Variants in OTUD7A observed in about 807,000 individuals in gnomAD.
The protein encoded by OTUD7A is OTU deubiquitinase 7A.
In OTUD7A, 12 loss-of-function variants were observed where a neutral mutation model predicts 65.7. The ratio of observed to expected loss-of-function variants is 0.18; its 90% CI spans 0.12 to 0.30. OTUD7A has a LOEUF of 0.30. OTUD7A is among the 10% of genes least tolerant of loss of function. The pLI, the probability that OTUD7A is intolerant of heterozygous loss-of-function variation, is 1.00. For synonymous variants in OTUD7A, 641 were observed against 586.3 expected (o/e 1.09, Z -1.35); for missense variants, 1,148 against 1,304.8 (o/e 0.88, Z 1.85).
intron 1 of OTUD7A, among the ~76,000 whole-genome samples, chr15:31,709,721 TG>T (rs1380678187): frequency 6.6e-6 from 1 of 151,672 alleles, no homozygotes; most frequent in African/African-American, 2.4e-5. Flanking sequence ...CTGTGTGTGG[TG>T]GTTCTATATG....
intron 3 of OTUD7A, among the ~76,000 whole-genome samples, chr15:31,644,749 G>A (rs1891613769): frequency 1.3e-5 from 2 of 152,166 alleles, no homozygotes; most frequent in Non-Finnish European, 2.9e-5. Context: ...AAAGTGTTGG[G>A]ATTACAGGTA....
At chr15:31,586,173 T>C (rs932402248) in intron 3 of OTUD7A, among the ~76,000 whole-genome samples, 9 of 152,186 alleles carry the variant, frequency 5.9e-5, no homozygotes, top group African/African-American at 2.2e-4. Flanking sequence ...CAGGATAGAA[T>C]GACCAAAGAA....
At chr15:31,735,412 C>A (rs558572260) in intron 1 of OTUD7A, among the ~76,000 whole-genome samples, 141 of 152,068 alleles carry the variant, frequency 9.3e-4, no homozygotes, top group African/African-American at 3.2e-3. Context: ...CCTGTAATCC[C>A]AGCTACTCGG....
At chr15:31,786,375 T>C (rs1315416011) in intron 1 of OTUD7A, among the ~76,000 whole-genome samples, 1 of 152,262 alleles carries the variant, frequency 6.6e-6, no homozygotes, top group African/African-American at 2.4e-5. Flanking sequence ...CAAGTCTTAT[T>C]GCCAAATTTG....
intron 1 of OTUD7A, chr15:31,787,582 T>G (rs1895707377): frequency 6.6e-6 from 1 of 152,294 alleles, no homozygotes. Context: ...CATCAACAAC[T>G]TTCTCAACAT....
chr15:31,703,643 C>T (rs1343995606), intron 1 of OTUD7A, among the ~76,000 whole-genome samples: 4 of 152,116 alleles, frequency 2.6e-5, no homozygotes, highest in Non-Finnish European at 2.9e-5. Context: ...ATGACACAGC[C>T]ACTCTGGAAA....
At chr15:31,508,305 G>A (rs1323125545) in intron 8 of OTUD7A, among the ~76,000 whole-genome samples, 1 of 152,120 alleles carries the variant, frequency 6.6e-6, no homozygotes, top group Admixed American at 6.5e-5. Context: ...ATAAAATAGG[G>A]TCCTTCCCAG....
intron 5 of OTUD7A, among the ~76,000 whole-genome samples, chr15:31,553,392 T>C (rs911203850): frequency 8.5e-5 from 13 of 152,100 alleles, no homozygotes; most frequent in African/African-American, 3.1e-4. Flanking sequence ...GTTGGGGGCA[T>C]GGTGGGAGGG....
chr15:31,818,500 G>T (rs994104564), intron 1 of OTUD7A, among the ~76,000 whole-genome samples: 1 of 152,168 alleles, frequency 6.6e-6, no homozygotes, highest in African/African-American at 2.4e-5. Flanking sequence ...GGGAGACAGC[G>T]GCCTCCCTGT....
chr15:31,536,467 T>G (rs980362778), intron 5 of OTUD7A, among the ~76,000 whole-genome samples: 1 of 152,188 alleles, frequency 6.6e-6, no homozygotes, highest in Non-Finnish European at 1.5e-5. Context: ...GGAACTTCAA[T>G]CAAATGAGAA....
At chr15:31,845,425 G>A (rs1438936648) in intron 1 of OTUD7A, among the ~76,000 whole-genome samples, 1 of 152,208 alleles carries the variant, frequency 6.6e-6, no homozygotes, top group South Asian at 2.1e-4. Context: ...GAAACCACGC[G>A]GGTAAGCCAC....
chr15:31,869,067 T>C (rs1390680330), intron 1 of OTUD7A, among the ~76,000 whole-genome samples: 3 of 152,384 alleles, frequency 2.0e-5, no homozygotes, highest in East Asian at 3.9e-4. Flanking sequence ...TTCGATATGA[T>C]AGGCTTGAGT....
intron 1 of OTUD7A, among the ~76,000 whole-genome samples, chr15:31,709,422 G>A (rs1462971826): frequency 6.6e-6 from 1 of 152,024 alleles, no homozygotes; most frequent in African/African-American, 2.4e-5. Context: ...GGGCACCTGG[G>A]AACCTGCATA....
At chr15:31,821,493 G>A (rs1305702752) in intron 1 of OTUD7A, among the ~76,000 whole-genome samples, 1 of 151,762 alleles carries the variant, frequency 6.6e-6, no homozygotes, top group Non-Finnish European at 1.5e-5. Flanking sequence ...TATACAATAT[G>A]CCATTGTATA....
intron 3 of OTUD7A, among the ~76,000 whole-genome samples, chr15:31,646,897 C>T (rs924325866): frequency 3.9e-5 from 6 of 152,148 alleles, no homozygotes; most frequent in Non-Finnish European, 8.8e-5. Context: ...CAGCGTGACA[C>T]AAGGAAACTC....
Position 31,627,776 on chromosome 15 carries a change from C to T in OTUD7A, c.151+27320G>A, listed in dbSNP as rs146122907. Among the ~76,000 whole-genome samples, 248 of 152,222 alleles carry T rather than the reference C, an allele frequency of 1.6e-3. 4 individuals are homozygous for T. Among genetic ancestry groups the T allele is most frequent in the African/African-American group, 4.4e-3 (181 of 41,538 alleles). ...TGTTGTTTCCTGACTTTTTAATGAT[C>T]GCCATTCTAAGTGGTGTGAGATGGT... On this transcript the variant is annotated intron_variant, in intron 3 of 12. Coordinates refer to ENST00000307050, the MANE Select transcript of OTUD7A (RefSeq NM_001382637.1).
chr15:31,577,664 C>T (rs1889243831), intron 3 of OTUD7A, among the ~76,000 whole-genome samples: 1 of 152,082 alleles, frequency 6.6e-6, no homozygotes, highest in Non-Finnish European at 1.5e-5. Context: ...GTCATTCGTA[C>T]TGGCTCAGAA....
chr15:31,545,701 CTCCTACACT>C (rs1485167223), intron 5 of OTUD7A, among the ~76,000 whole-genome samples: 1 of 152,108 alleles, frequency 6.6e-6, no homozygotes, highest in Non-Finnish European at 1.5e-5. Context: ...TGTGTGGATA[CTCCTACACT>C]TCCAACACAG....
chr15:31,534,575 T>G (rs1413619289), intron 5 of OTUD7A, among the ~76,000 whole-genome samples: 2 of 152,134 alleles, frequency 1.3e-5, no homozygotes, highest in African/African-American at 4.8e-5. Flanking sequence ...GAGAAAGAAA[T>G]AAAATCTGTA....
Sources: gnomAD v4.1 joint callset for allele counts (sites outside exome capture counted in the v4.1 genomes callset) on GRCh38, gnomAD v4.1.1 for gene constraint, MANE v1.5 for transcripts, NCBI Gene and HGNC (gene_info 2026-07-23, HGNC 2026-07-21) for gene names.